The following PEX14 variants were observed in gnomAD, a reference collection of about 807,000 sequenced individuals.
PEX14 encodes the protein peroxisomal membrane protein PEX14.
In PEX14, 15 loss-of-function variants were observed where a neutral mutation model predicts 49.5. That is an observed-to-expected ratio of 0.30 (90% CI 0.20 to 0.47). PEX14 has a LOEUF of 0.47. Among genes scored for constraint, PEX14 ranks in the 20% least tolerant of loss-of-function variants. The pLI is 1.00. For synonymous variants in PEX14, 210 were observed against 212.7 expected (o/e 0.99, Z 0.11); for missense variants, 398 against 494.8 (o/e 0.80, Z 1.86).
At chr1:10,520,170 T>A (rs1199468722) in intron 2 of PEX14, among the ~76,000 whole-genome samples, 2 of 142,336 alleles carry the variant, frequency 1.4e-5, no homozygotes, top group East Asian at 2.1e-4. Flanking sequence ...TTTGTTTTTT[T>A]AACTAGAGAC....
In PEX14 at chr1:10,495,326, G is replaced by A; in HGVS notation, c.84+5G>A. The A allele has an allele frequency of 6.2e-7, 1 of 1,610,692 alleles. No homozygotes were observed. Among genetic ancestry groups the A allele is most frequent in the Non-Finnish European group, 8.5e-7 (1 of 1,177,018 alleles). Reference sequence around the variant, plus strand: ...GTGCTGCCTCGAGAGCCGCTGGTAAGTACCCAAGATATGTGGTATCACTTT... The same window carrying A: ...GTGCTGCCTCGAGAGCCGCTGGTAAATACCCAAGATATGTGGTATCACTTT... On this transcript the variant is annotated splice_donor_5th_base_variant and intron_variant, in intron 2 of 8. Transcript: ENST00000356607. The surrounding 1 kb of genome is among the most constrained non-coding windows in gnomAD (Gnocchi z 4.2).
intron 3 of PEX14, among the ~76,000 whole-genome samples, chr1:10,565,846 A>G (rs1172896521): frequency 2.0e-5 from 3 of 152,052 alleles, no homozygotes; most frequent in Non-Finnish European, 4.4e-5. Context: ...GCTACAAAAA[A>G]ACACAAAAAT....
At chr1:10,555,642 A>T (rs61777203) in intron 3 of PEX14, among the ~76,000 whole-genome samples, 8 of 149,372 alleles carry the variant, frequency 5.4e-5, no homozygotes, top group African/African-American at 9.9e-5. Context: ...GCAAGGTGTG[A>T]GTGTGTGTGT....
intron 3 of PEX14, among the ~76,000 whole-genome samples, chr1:10,571,173 A>G (rs2124550078): frequency 6.6e-6 from 1 of 151,932 alleles, no homozygotes; most frequent in Admixed American, 6.6e-5. Flanking sequence ...AGTTGTTTTG[A>G]CATACACAAT....
In PEX14 at chr1:10,495,786, T is replaced by G. The variant is rs755340907; in HGVS notation, c.84+465T>G. Among the ~76,000 whole-genome samples, 7 of 152,192 alleles carry G rather than the reference T, an allele frequency of 4.6e-5. No homozygotes were observed. Among genetic ancestry groups the G allele is most frequent in the Non-Finnish European group, 8.8e-5 (6 of 68,032 alleles). ...TGTGATTGTCATTCCCAACGCTGTC[T>G]TCTTAGACTATGGATAGGGAAGAGG... On this transcript the variant is annotated intron_variant, in intron 2 of 8. Transcript: ENST00000356607. The surrounding 1 kb of genome is among the most constrained non-coding windows in gnomAD (Gnocchi z 4.2).
intron 8 of PEX14, 61 bp downstream of exon 8, chr1:10,627,424 TG>T: frequency 1.7e-6 from 2 of 1,199,726 alleles, no homozygotes; most frequent in Non-Finnish European, 2.5e-6. Flanking sequence ...CTGGGAGCTC[TG>T]GGGCATGGGA....
intron 3 of PEX14, among the ~76,000 whole-genome samples, chr1:10,537,339 G>GCCCCCC (rs1463981995): frequency 2.4e-4 from 3 of 12,316 alleles, no homozygotes; most frequent in Admixed American, 1.3e-3. Context: ...CATTGTGCCA[G>GCCCCCC]CACCCCCCCC....
chr1:10,598,090 C>G (rs1011968028), intron 3 of PEX14, among the ~76,000 whole-genome samples: 11 of 152,190 alleles, frequency 7.2e-5, no homozygotes, highest in African/African-American at 2.7e-4. Context: ...GGAGAGCTGC[C>G]GACCAGATGT....
intron 3 of PEX14, among the ~76,000 whole-genome samples, chr1:10,574,934 A>AC (rs374003601): frequency 4.1e-4 from 62 of 151,956 alleles, no homozygotes; most frequent in Admixed American, 1.3e-3. Flanking sequence ...ACATGGTGAG[A>AC]CCCCCATCTG....
At chr1:10,566,583 A>G (rs961241211) in intron 3 of PEX14, among the ~76,000 whole-genome samples, 1 of 151,426 alleles carries the variant, frequency 6.6e-6, no homozygotes, top group Non-Finnish European at 1.5e-5. Context: ...CCGCCTCTTG[A>G]GTTCAAGGGA....
At chr1:10,568,301 C>T (rs996319920) in intron 3 of PEX14, among the ~76,000 whole-genome samples, 1 of 142,810 alleles carries the variant, frequency 7.0e-6, no homozygotes, top group African/African-American at 2.6e-5. Flanking sequence ...GAGTGACACA[C>T]ATATACACAA....
At chr1:10,570,168 A>G (rs1639929777) in intron 3 of PEX14, among the ~76,000 whole-genome samples, 1 of 151,764 alleles carries the variant, frequency 6.6e-6, no homozygotes, top group Admixed American at 6.6e-5. Flanking sequence ...CTGGGTATTG[A>G]ATGATTTTCT....
intron 2 of PEX14, among the ~76,000 whole-genome samples, chr1:10,506,308 C>T (rs1192258325): frequency 6.6e-6 from 1 of 152,150 alleles, no homozygotes; most frequent in Non-Finnish European, 1.5e-5. Context: ...TGGAGTTTCG[C>T]TCTTGTTGCT....
In PEX14 at chr1:10,620,012, G is replaced by T. The variant is rs545981591; in HGVS notation, c.384+1595G>T. Among the ~76,000 whole-genome samples, 13 of 152,294 alleles carry T rather than the reference G, an allele frequency of 8.5e-5. No individual in the cohort carries two copies. In the East Asian group the frequency reaches 2.3e-3, roughly 27 times the overall value. On this transcript the variant is annotated intron_variant, in intron 5 of 8. Coordinates refer to ENST00000356607, the MANE Select transcript of PEX14 (RefSeq NM_004565.3). ...CACCTGCAGTCCCAGCTACTGGGGA[G>T]GCTGAGGCAGGAGAATGGGGTGAAC...
chr1:10,523,540 T>C (rs1210842811), intron 2 of PEX14, among the ~76,000 whole-genome samples: 1 of 151,960 alleles, frequency 6.6e-6, no homozygotes, highest in East Asian at 1.9e-4. Flanking sequence ...AGGTCATCTG[T>C]TTAACCCCTT....
chr1:10,556,409 G>A lies in PEX14; in HGVS notation c.169+20112G>A, dbSNP rs183364960. ...TGGGTTGGGGGGTGCCTATCTGCAC[G>A]TGTTCTTTTTCCTCTCACGCACTTT... On this transcript the variant is annotated intron_variant, in intron 3 of 8. Transcript: ENST00000356607. Among the ~76,000 whole-genome samples the A allele has an allele frequency of 1.2e-3, 187 of 152,264 alleles. 5 individuals carry two copies. In the South Asian group the frequency reaches 0.032, roughly 26 times the overall value.
At chr1:10,533,871 A>T (rs547746338) in intron 2 of PEX14, among the ~76,000 whole-genome samples, 48 of 152,130 alleles carry the variant, frequency 3.2e-4, no homozygotes, top group African/African-American at 5.3e-4. Context: ...GCATTTTTTT[A>T]AAAAAAATTG....
In PEX14 at chr1:10,560,718, CTT is replaced by C. The variant is rs34964492; in HGVS notation, c.169+24437_169+24438del. On this transcript the variant is annotated intron_variant, in intron 3 of 8. Coordinates refer to ENST00000356607, the MANE Select transcript of PEX14 (RefSeq NM_004565.3). ...TTCTTAGTTGTTAACATTTTGCCACCTTTTTTTTTTTTTTTTTGAGACGGAGT... is the reference window on the plus strand; with the variant it reads ...TTCTTAGTTGTTAACATTTTGCCACCTTTTTTTTTTTTTTTGAGACGGAGT... 1.9e-4 allele frequency among the ~76,000 whole-genome samples: 24 copies of C among 129,042 alleles called. 1 individual carries two copies. Among genetic ancestry groups the C allele is most frequent in the Admixed American group, 2.4e-4 (3 of 12,464 alleles). 84.7% of individuals were successfully genotyped at this position (129,042 alleles called of 152,430 possible).
chr1:10,528,872 G>A (rs1237935354), intron 2 of PEX14, among the ~76,000 whole-genome samples: 3 of 152,238 alleles, frequency 2.0e-5, no homozygotes, highest in East Asian at 1.9e-4. Context: ...CAGCCAGCTC[G>A]TTTGCCTTCT....
Sources: gnomAD v4.1 joint callset for allele counts (sites outside exome capture counted in the v4.1 genomes callset) on GRCh38, gnomAD v4.1.1 for gene constraint, Gnocchi (gnomAD v3.1) non-coding constraint, MANE v1.5 for transcripts, NCBI Gene and HGNC (gene_info 2026-07-23, HGNC 2026-07-21) for gene names.